Variants in LIN7A observed in about 807,000 individuals in gnomAD.
LIN7A encodes lin-7 cell polarity scaffold A.
A neutral mutation model predicts 29.8 loss-of-function variants in LIN7A; 25 were observed. That is an observed-to-expected ratio of 0.84 (90% CI 0.61 to 1.17). The LOEUF (loss-of-function observed/expected upper bound fraction) is 1.17. Ranked by LOEUF, LIN7A falls within the 50% of genes most tolerant of loss-of-function variation. The pLI is 0.00. For synonymous variants in LIN7A, 118 were observed against 107.5 expected, an observed-to-expected ratio of 1.10 and a Z score of -0.60; for missense variants, 239 against 287.0, an observed-to-expected ratio of 0.83 and a Z score of 1.21.
intron 1 of LIN7A, chr12:80,936,997 C>T (rs531600941): frequency 6.6e-6 from 1 of 152,166 alleles, no homozygotes; most frequent in Non-Finnish European, 1.5e-5. Flanking sequence ...CTCGAAGCCG[C>T]GGAGAGCCGA....
intron 5 of LIN7A, among the ~76,000 whole-genome samples, chr12:80,807,080 T>TTTTG (rs1555221375): frequency 5.9e-5 from 8 of 134,684 alleles, no homozygotes; most frequent in Non-Finnish European, 9.5e-5. Context: ...TTTTTTTTTT[T>TTTTG]TTTTTTTTTT....
Position 80,831,933 on chromosome 12 carries a change from G to A in LIN7A, c.483+13797C>T, listed in dbSNP as rs1320177727. Among the ~76,000 whole-genome samples the A allele has an allele frequency of 4.6e-5, 7 of 152,320 alleles. No homozygotes were observed. The South Asian group carries it at 8.3e-4, about 18-fold the overall frequency. On this transcript the variant is annotated intron_variant, in intron 4 of 5. Coordinates refer to ENST00000552864, the MANE Select transcript of LIN7A (RefSeq NM_004664.4). ...ACAAAAATAAGGGGAATTTCAGGAT[G>A]AGTGGCTGTGCACTGTCTAGCCTGG...
At chr12:80,810,420 T>TA (rs1234668206) in intron 5 of LIN7A, among the ~76,000 whole-genome samples, 2 of 151,218 alleles carry the variant, frequency 1.3e-5, no homozygotes, top group Non-Finnish European at 3.0e-5. Flanking sequence ...TGTGTGTGTG[T>TA]GTGTGTGTGT....
At chr12:80,916,679 C>T (rs948150528) in intron 1 of LIN7A, among the ~76,000 whole-genome samples, 3 of 152,130 alleles carry the variant, frequency 2.0e-5, no homozygotes, top group Admixed American at 2.0e-4. Flanking sequence ...TAAGTGAATG[C>T]ATTTACAAAA....
At chr12:80,923,531 G>C (rs1877424350) in intron 1 of LIN7A, among the ~76,000 whole-genome samples, 2 of 152,108 alleles carry the variant, frequency 1.3e-5, no homozygotes, top group African/African-American at 2.4e-5. Flanking sequence ...TAATTGTGCT[G>C]GACCTTAAAA....
At chr12:80,905,662 G>A (rs1481385725) in intron 1 of LIN7A, among the ~76,000 whole-genome samples, 3 of 152,136 alleles carry the variant, frequency 2.0e-5, no homozygotes, top group Admixed American at 2.0e-4. Context: ...TATGGGGCTA[G>A]GTACATAGTT....
chr12:80,820,740 T>C (rs894728671), intron 4 of LIN7A, among the ~76,000 whole-genome samples: 2 of 152,102 alleles, frequency 1.3e-5, no homozygotes, highest in African/African-American at 2.4e-5. Flanking sequence ...TCGAAAATGA[T>C]ACCTTTAAAT....
At chr12:80,898,532 G>C (rs1041903370) in intron 1 of LIN7A, among the ~76,000 whole-genome samples, 1 of 151,848 alleles carries the variant, frequency 6.6e-6, no homozygotes, top group African/African-American at 2.4e-5. Flanking sequence ...AAGAATTGTA[G>C]TTTGATAGGA....
At chr12:80,853,510 C>T (rs1873436332) in intron 2 of LIN7A, among the ~76,000 whole-genome samples, 1 of 152,016 alleles carries the variant, frequency 6.6e-6, no homozygotes, top group Admixed American at 6.6e-5. Flanking sequence ...AGTATTTGAA[C>T]AGGTACATTA....
At chr12:80,880,751 G>GCACACAAACACACACACA (rs1874979521) in intron 2 of LIN7A, among the ~76,000 whole-genome samples, 1 of 136,160 alleles carries the variant, frequency 7.3e-6, no homozygotes, top group African/African-American at 2.6e-5. Context: ...AGGAGGCAAC[G>GCACACAAACACACACACA]CACACACACA....
At chr12:80,907,719 A>C (rs997698804) in intron 1 of LIN7A, among the ~76,000 whole-genome samples, 3 of 152,156 alleles carry the variant, frequency 2.0e-5, no homozygotes, top group Non-Finnish European at 2.9e-5. Context: ...TGGATTCCAT[A>C]GAGTGTTACA....
At chr12:80,843,863 T>G (rs1872936842) in intron 4 of LIN7A, among the ~76,000 whole-genome samples, 1 of 152,030 alleles carries the variant, frequency 6.6e-6, no homozygotes, top group South Asian at 2.1e-4. Flanking sequence ...TTGCAAGGAA[T>G]GGGTAAGTAA....
At position 80,815,791 on chromosome 12, in the gene LIN7A, C is replaced by G. The variant is rs557555797; in HGVS notation, c.484-4108G>C. Among the ~76,000 whole-genome samples the G allele has an allele frequency of 2.6e-5, 4 of 152,222 alleles. No individual in the cohort carries two copies. In the East Asian group the frequency reaches 7.7e-4, roughly 29 times the overall value. ...CCCTTGCTTTAAGAGTTTTGTTGTACCTATTGCATTAGCATAAATTAATTT... is the reference window on the plus strand; with the variant it reads ...CCCTTGCTTTAAGAGTTTTGTTGTAGCTATTGCATTAGCATAAATTAATTT... On this transcript the variant is annotated intron_variant, in intron 4 of 5. Coordinates refer to ENST00000552864, the MANE Select transcript of LIN7A (RefSeq NM_004664.4).
intron 1 of LIN7A, among the ~76,000 whole-genome samples, chr12:80,921,305 C>G (rs942879746): frequency 6.6e-6 from 1 of 151,582 alleles, no homozygotes; most frequent in African/African-American, 2.4e-5. Context: ...TTATAAGTGA[C>G]CTAGTCTATG....
At chr12:80,872,030 T>A (rs1262921645) in intron 2 of LIN7A, among the ~76,000 whole-genome samples, 2 of 152,102 alleles carry the variant, frequency 1.3e-5, no homozygotes, top group African/African-American at 4.8e-5. Flanking sequence ...AAATTCAAGT[T>A]GAAGAAAATA....
chr12:80,919,899 G>C (rs568983847), intron 1 of LIN7A, among the ~76,000 whole-genome samples: 43 of 152,072 alleles, frequency 2.8e-4, no homozygotes, highest in Admixed American at 1.0e-3. Context: ...CCACCACCAA[G>C]CTCATTCACT....
At chr12:80,847,423 T>G (rs918433006) in intron 3 of LIN7A, among the ~76,000 whole-genome samples, 1 of 151,788 alleles carries the variant, frequency 6.6e-6, no homozygotes, top group Non-Finnish European at 1.5e-5. Context: ...AGTTACAGAG[T>G]AAAAACTAAA....
At chr12:80,912,017 A>ATTG (rs869095632) in intron 1 of LIN7A, among the ~76,000 whole-genome samples, 1 of 109,468 alleles carries the variant, frequency 9.1e-6, no homozygotes, top group Non-Finnish European at 2.2e-5. Context: ...TTTCTCTATT[A>ATTG]ACAGATAAGA....
At position 80,794,977 on chromosome 12, in the gene LIN7A, AAG is replaced by A. The variant is rs1295583414; in HGVS notation, c.*2748_*2749del. On this transcript the variant is annotated 3_prime_UTR_variant, in exon 6 of 6. Coordinates refer to ENST00000552864, the MANE Select transcript of LIN7A (RefSeq NM_004664.4). ...TATCCCACCGGCCACTGACCTAAAA[AAG>A]GGAAAAAATTAAATTTCACCAGGAT... 1 of 152,184 alleles carries A rather than the reference AAG, an allele frequency of 6.6e-6. No homozygotes were observed. The highest frequency in any genetic ancestry group is 2.4e-5 in the African/African-American group (1 of 41,448). 9.4% of individuals were successfully genotyped at this position (152,184 alleles called of 1,614,324 possible).
Sources: allele counts gnomAD v4.1 joint callset (sites outside exome capture counted in the v4.1 genomes callset), GRCh38; gene constraint gnomAD v4.1.1; transcripts MANE v1.5; gene names NCBI Gene and HGNC (gene_info 2026-07-23, HGNC 2026-07-21).